SLC35F3: variants seen among roughly 807,000 people sequenced by gnomAD.
SLC35F3 encodes the protein solute carrier family 35 member F3, also known as putative thiamine transporter SLC35F3.
In SLC35F3, 25 loss-of-function variants were observed where a neutral mutation model predicts 49.9. The ratio of observed to expected loss-of-function variants is 0.50; its 90% CI spans 0.37 to 0.70. The LOEUF (loss-of-function observed/expected upper bound fraction) is 0.70. Ranked by LOEUF, SLC35F3 falls within the 30% of genes least tolerant of loss-of-function variation. SLC35F3 has a pLI of 0.00. For missense variants in SLC35F3, 525 were observed against 639.8 expected (o/e 0.82, Z 1.94); for synonymous variants, 275 against 265.4 (o/e 1.04, Z -0.35).
At position 234,324,409 on chromosome 1, in the gene SLC35F3, T is replaced by G. The variant is rs190202011; in HGVS notation, c.*1166T>G. The stretch of plus-strand genomic sequence containing the variant: ...TGTAACCATGGAGTCTTCTGTTTCC[T>G]GGGGGAAAGGGGCATTCATGACCTG... On this transcript the variant is annotated 3_prime_UTR_variant, in exon 8 of 8. Coordinates refer to ENST00000366618, the MANE Select transcript of SLC35F3 (RefSeq NM_173508.4). 6.6e-6 allele frequency: 1 copy of G among 152,208 alleles called. No homozygotes were observed. Among genetic ancestry groups the G allele is most frequent in the African/African-American group, 2.4e-5 (1 of 41,456 alleles). The allele number at this position is 152,208 out of a possible 1,614,324, so 9.4% of individuals were successfully genotyped here. A position where few individuals can be genotyped will look rare whatever the true frequency, so the allele number is the denominator to read the frequency against.
intron 2 of SLC35F3, among the ~76,000 whole-genome samples, chr1:234,170,572 C>T (rs369852120): frequency 6.6e-6 from 1 of 152,044 alleles, no homozygotes; most frequent in South Asian, 2.1e-4. Flanking sequence ...CAGAAGCAAA[C>T]GACTCATCTC....
intron 3 of SLC35F3, among the ~76,000 whole-genome samples, chr1:234,304,428 G>A (rs1021703546): frequency 2.1e-5 from 3 of 141,882 alleles, no homozygotes; most frequent in African/African-American, 8.2e-5. Flanking sequence ...ATCCCAAAAT[G>A]TCTATTAATT....
At chr1:233,923,951 G>A (rs1474745226) in intron 2 of SLC35F3, among the ~76,000 whole-genome samples, 1 of 152,186 alleles carries the variant, frequency 6.6e-6, no homozygotes, top group Non-Finnish European at 1.5e-5. Flanking sequence ...TACGTTTGTT[G>A]ATTTGTGTAT....
At chr1:233,992,954 A>G (rs1265633882) in intron 2 of SLC35F3, among the ~76,000 whole-genome samples, 1 of 152,106 alleles carries the variant, frequency 6.6e-6, no homozygotes, top group African/African-American at 2.4e-5. Context: ...ATCATCTCCC[A>G]CAAATGCTTA....
intron 2 of SLC35F3, among the ~76,000 whole-genome samples, chr1:234,096,709 C>G (rs1665130501): frequency 6.6e-6 from 1 of 152,050 alleles, no homozygotes; most frequent in African/African-American, 2.4e-5. Context: ...CATTTTCTCA[C>G]AATAGTCTGG....
At chr1:234,187,936 C>T (rs1026114059) in intron 2 of SLC35F3, among the ~76,000 whole-genome samples, 3 of 152,168 alleles carry the variant, frequency 2.0e-5, no homozygotes, top group Non-Finnish European at 4.4e-5. Flanking sequence ...GCAGACTCAA[C>T]AGGTGGGGAG....
chr1:233,983,054 G>A (rs1398722660), intron 2 of SLC35F3, among the ~76,000 whole-genome samples: 2 of 152,132 alleles, frequency 1.3e-5, no homozygotes, highest in African/African-American at 4.8e-5. Context: ...CCACGTGGCT[G>A]CACGTCATCC....
intron 2 of SLC35F3, among the ~76,000 whole-genome samples, chr1:234,150,203 G>C (rs150738082): frequency 6.6e-6 from 1 of 152,366 alleles, no homozygotes; most frequent in African/African-American, 2.4e-5. Flanking sequence ...AATGGAAGCG[G>C]TAATTCTCTA....
At chr1:234,000,714 A>G (rs561398332) in intron 2 of SLC35F3, among the ~76,000 whole-genome samples, 3 of 152,330 alleles carry the variant, frequency 2.0e-5, no homozygotes, top group Non-Finnish European at 2.9e-5. Context: ...TTGATTTTTT[A>G]TAGTACAAAT....
At chr1:234,121,458 C>A (rs1665572588) in intron 2 of SLC35F3, among the ~76,000 whole-genome samples, 2 of 152,032 alleles carry the variant, frequency 1.3e-5, no homozygotes, top group African/African-American at 4.8e-5. Context: ...TTTCTTAATG[C>A]AGAGTAAATA....
intron 2 of SLC35F3, among the ~76,000 whole-genome samples, chr1:233,993,014 C>T (rs149941895): frequency 5.6e-4 from 86 of 152,286 alleles, no homozygotes; most frequent in African/African-American, 2.0e-3. Context: ...TTTGAATGTA[C>T]TTGAAATGCC....
At chr1:234,194,551 T>G (rs368031935) in intron 2 of SLC35F3, among the ~76,000 whole-genome samples, 2 of 152,026 alleles carry the variant, frequency 1.3e-5, no homozygotes, top group African/African-American at 4.8e-5. Flanking sequence ...CTAAAGGACT[T>G]ACTTATGTAA....
chr1:233,962,728 T>C (rs1055468257), intron 2 of SLC35F3, among the ~76,000 whole-genome samples: 4 of 152,230 alleles, frequency 2.6e-5, no homozygotes, highest in East Asian at 1.9e-4. Context: ...TAATTCCTAA[T>C]TGAGCATATA....
In SLC35F3 at chr1:234,320,249, C is replaced by T. The variant is rs1558109748; in HGVS notation, c.1237+62C>T. On this transcript the variant is annotated intron_variant, in intron 7 of 7. Transcript: ENST00000366618. The surrounding 1 kb of genome is among the most constrained non-coding windows in gnomAD (Gnocchi z 4.8). ...ACACACACTCAGTCACCTACTCACACACACATACACACACTCATGCATACA... is the reference window on the plus strand; with the variant it reads ...ACACACACTCAGTCACCTACTCACATACACATACACACACTCATGCATACA... The T allele has an allele frequency of 9.0e-7, 1 of 1,111,572 alleles. No individual in the cohort carries two copies. Among genetic ancestry groups the T allele is most frequent in the Non-Finnish European group, 1.4e-6 (1 of 725,842 alleles). 68.9% of individuals were successfully genotyped at this position (1,111,572 alleles called of 1,614,324 possible). A position where few individuals can be genotyped will look rare whatever the true frequency, so the allele number is the denominator to read the frequency against.
At chr1:234,249,594 G>A (rs1667704246) in intron 3 of SLC35F3, among the ~76,000 whole-genome samples, 1 of 152,192 alleles carries the variant, frequency 6.6e-6, no homozygotes, top group Admixed American at 6.5e-5. Flanking sequence ...CTATGGGAAA[G>A]TGAGATTGAC....
At chr1:234,235,392 T>C (rs1878545) in intron 3 of SLC35F3, among the ~76,000 whole-genome samples, 92,678 of 152,104 alleles carry the variant, frequency 0.61, 29,466 homozygotes, top group African/African-American at 0.78. Flanking sequence ...GAACCACAGT[T>C]TCCTGGACCA....
intron 2 of SLC35F3, among the ~76,000 whole-genome samples, chr1:234,153,395 G>A (rs1666103175): frequency 6.6e-6 from 1 of 152,046 alleles, no homozygotes; most frequent in Non-Finnish European, 1.5e-5. Context: ...GACTGTTTGA[G>A]GCCAGGAGTT....
intron 2 of SLC35F3, among the ~76,000 whole-genome samples, chr1:233,942,493 C>T (rs997449234): frequency 2.0e-5 from 3 of 152,128 alleles, no homozygotes; most frequent in African/African-American, 7.2e-5. Flanking sequence ...ACAATCATGG[C>T]TCACTGCAGC....
chr1:234,160,707 C>T (rs6681198), intron 2 of SLC35F3, among the ~76,000 whole-genome samples: 20,607 of 152,026 alleles, frequency 0.14, 4,427 homozygotes, highest in African/African-American at 0.46. Context: ...AGCACTGAGC[C>T]CCTTGTTAAC....
Sources: allele counts gnomAD v4.1 joint callset (sites outside exome capture counted in the v4.1 genomes callset), GRCh38; gene constraint gnomAD v4.1.1; non-coding constraint Gnocchi (gnomAD v3.1); transcripts MANE v1.5; gene names NCBI Gene and HGNC (gene_info 2026-07-23, HGNC 2026-07-21).